The following TMEM132E variants were observed in gnomAD, a reference collection of about 807,000 sequenced individuals.
TMEM132E encodes the protein transmembrane protein 132E.
In TMEM132E, 49 loss-of-function variants were observed where a neutral mutation model predicts 78.5. That is an observed-to-expected ratio of 0.62 (90% CI 0.50 to 0.79). The LOEUF (loss-of-function observed/expected upper bound fraction) is 0.79, where lower values mean the gene tolerates loss of function less well. Ranked by LOEUF, TMEM132E falls within the 30% of genes least tolerant of loss-of-function variation. The pLI is 0.00. For missense variants in TMEM132E, 1,403 were observed against 1,470.9 expected (o/e 0.95, Z 0.75); for synonymous variants, 715 against 670.6 (o/e 1.07, Z -1.02).
At chr17:34,635,337 G>A (rs1907486628) in intron 7 of TMEM132E, among the ~76,000 whole-genome samples, 1 of 152,170 alleles carries the variant, frequency 6.6e-6, no homozygotes, top group South Asian at 2.1e-4. Context: ...AGAGCAGAGG[G>A]GGAGCAGGTG....
chr17:34,600,426 A>AGTGTGTGTGTGTGTGTGTGT (rs3220449), intron 1 of TMEM132E, among the ~76,000 whole-genome samples: 2 of 143,968 alleles, frequency 1.4e-5, no homozygotes, highest in Non-Finnish European at 3.0e-5. Flanking sequence ...AGCGTATATG[A>AGTGTGTGTGTGTGTGTGTGT]GTGTGTGTGT....
intron 1 of TMEM132E, among the ~76,000 whole-genome samples, chr17:34,606,639 C>T (rs551659238): frequency 6.6e-6 from 1 of 152,340 alleles, no homozygotes; most frequent in South Asian, 2.1e-4. Context: ...GTTTAGGGAG[C>T]TATGAGCCCA....
At chr17:34,629,983 A>G in intron 4 of TMEM132E, 25 bp from the exon 5 acceptor site, 1 of 1,583,496 alleles carries the variant, frequency 6.3e-7, no homozygotes. Flanking sequence ...CCACAAGTAG[A>G]GCCCCCCCCT....
chr17:34,582,163 C>T (rs985620708), intron 1 of TMEM132E, among the ~76,000 whole-genome samples: 7 of 112,154 alleles, frequency 6.2e-5, no homozygotes, highest in African/African-American at 2.4e-4. Flanking sequence ...GGTTGGGGGG[C>T]GGGGGTGTTT....
rs540321267 is a variant in TMEM132E at position 34,607,095 on chromosome 17, G to A, written c.68-19032G>A. Reference sequence around the variant, plus strand: ...CTTCCTGGGACAGGGAGCTCAGTACGCTACAAGGCAGCTCCTTTCATTACA... The same window carrying A: ...CTTCCTGGGACAGGGAGCTCAGTACACTACAAGGCAGCTCCTTTCATTACA... On this transcript the variant is annotated intron_variant, in intron 1 of 8. Coordinates refer to ENST00000631683, the MANE Select transcript of TMEM132E (RefSeq NM_001304438.2). Among the ~76,000 whole-genome samples the A allele has an allele frequency of 3.9e-5, 6 of 152,330 alleles. No homozygotes were observed. In the East Asian group the frequency reaches 9.7e-4, roughly 25 times the overall value.
intron 1 of TMEM132E, among the ~76,000 whole-genome samples, chr17:34,583,215 G>A (rs1372517161): frequency 1.3e-5 from 2 of 152,248 alleles, no homozygotes; most frequent in African/African-American, 4.8e-5. Flanking sequence ...AGAGGGCTTG[G>A]CTGCCTGAGC....
At chr17:34,604,646 T>G (rs563625589) in intron 1 of TMEM132E, among the ~76,000 whole-genome samples, 9 of 152,178 alleles carry the variant, frequency 5.9e-5, no homozygotes, top group Non-Finnish European at 1.2e-4. Context: ...TAGTTCTCTG[T>G]GGGTCTGTCC....
rs1435986731 is a variant in TMEM132E at position 34,587,842 on chromosome 17, G to C, written c.67+6699G>C. On this transcript the variant is annotated intron_variant, in intron 1 of 8. Transcript: ENST00000631683. ...TTTGTCACATTGGCTGCTATGTGAA[G>C]GCAGCACTGTGATCCCCTTTTTATG... 3.3e-5 allele frequency among the ~76,000 whole-genome samples: 5 copies of C among 152,334 alleles called. No individual in the cohort carries two copies. The East Asian group carries it at 9.6e-4, about 29-fold the overall frequency.
chr17:34,612,106 C>T (rs1906610068), intron 1 of TMEM132E, among the ~76,000 whole-genome samples: 1 of 152,134 alleles, frequency 6.6e-6, no homozygotes, highest in East Asian at 1.9e-4. Flanking sequence ...CCAGAGTTTG[C>T]CCTACTCTCA....
Position 34,634,822 on chromosome 17 carries a change from A to T in TMEM132E, c.1712A>T (p.Glu571Val), listed in dbSNP as rs1195056076. 8 of 1,613,910 alleles carry T rather than the reference A, an allele frequency of 5.0e-6. No individual in the cohort carries two copies. Among genetic ancestry groups the T allele is most frequent in the Non-Finnish European group, 6.8e-6 (8 of 1,179,910 alleles). The change falls in exon 7 of 9, where the codon GAG becomes GTG. Residue 571 changes from glutamate (E) to valine (V), a missense_variant. Coordinates refer to ENST00000631683, the MANE Select transcript of TMEM132E (RefSeq NM_001304438.2). ...DRRSVRESEDEDEEEEERRQS... is the reference protein window; with the variant it reads ...DRRSVRESEDVDEEEEERRQS... ...AGGTCAGTCCGGGAAAGCGAGGATG[A>T]GGATGAGGAGGAGGAGGAGCGGCGG... is the stretch of plus-strand genomic sequence containing the variant.
At chr17:34,581,904 G>A (rs1172543341) in intron 1 of TMEM132E, among the ~76,000 whole-genome samples, 1 of 152,052 alleles carries the variant, frequency 6.6e-6, no homozygotes, top group Non-Finnish European at 1.5e-5. Context: ...TTGGCGGTGG[G>A]ACAGCGGGCA....
intron 1 of TMEM132E, among the ~76,000 whole-genome samples, chr17:34,584,026 G>A (rs1208905829): frequency 6.6e-6 from 1 of 152,210 alleles, no homozygotes; most frequent in Non-Finnish European, 1.5e-5. Context: ...TTGAATAGGA[G>A]TTTAGGGGTC....
intron 1 of TMEM132E, among the ~76,000 whole-genome samples, chr17:34,590,362 C>A (rs570512530): frequency 1.5e-4 from 23 of 152,250 alleles, no homozygotes; most frequent in Non-Finnish European, 2.8e-4. Context: ...CTAAAACCAA[C>A]CTGTCTGCTG....
In TMEM132E at chr17:34,626,571, G is replaced by A; in HGVS notation, c.512G>A (p.Arg171Gln). ...RLPCVRLHAF[R>Q]DAREVKSSCR... ...CCCTGTGTCCGCCTGCATGCCTTCC[G>A]GGATGCCCGGGAAGTCAAGAGCTCC... The change falls in exon 2 of 9, where the codon CGG becomes CAG. Residue 171 changes from arginine (R) to glutamine (Q), a missense_variant. Transcript: ENST00000631683. The A allele has an allele frequency of 2.5e-6, 4 of 1,571,860 alleles. No individual in the cohort carries two copies. Among genetic ancestry groups the A allele is most frequent in the Non-Finnish European group, 1.7e-6 (2 of 1,163,942 alleles).
rs1217410906 is a variant in TMEM132E, at chr17:34,634,955, G to A, written c.1845G>A (p.Met615Ile). The change falls in exon 7 of 9, where the codon ATG becomes ATA. Residue 615 changes from methionine to isoleucine, a missense_variant. Transcript: ENST00000631683. ...AGGGCACTGACCAGGTGGTCACCAT[G>A]TTAGGCCCGGACTGGCTGGTGGAGG... ...SSEGTDQVVT[M>I]LGPDWLVEVT... 6.2e-7 allele frequency: 1 copy of A among 1,614,078 alleles called. No individual in the cohort carries two copies. Among genetic ancestry groups the A allele is most frequent in the Non-Finnish European group, 8.5e-7 (1 of 1,180,046 alleles).
intron 1 of TMEM132E, among the ~76,000 whole-genome samples, chr17:34,595,704 G>T (rs1286789120): frequency 6.6e-6 from 1 of 152,214 alleles, no homozygotes; most frequent in Non-Finnish European, 1.5e-5. Flanking sequence ...AGACCCGTGT[G>T]CCTGACTCCC....
At chr17:34,588,128 T>C (rs1306475254) in intron 1 of TMEM132E, among the ~76,000 whole-genome samples, 2 of 152,148 alleles carry the variant, frequency 1.3e-5, no homozygotes, top group African/African-American at 4.8e-5. Context: ...TAAGTCATGC[T>C]CTTTTGCATG....
At chr17:34,615,106 C>T (rs1335993350) in intron 1 of TMEM132E, among the ~76,000 whole-genome samples, 7 of 150,096 alleles carry the variant, frequency 4.7e-5, no homozygotes, top group Non-Finnish European at 7.4e-5. Context: ...CTCATACCAC[C>T]TTGCTGTATG....
intron 1 of TMEM132E, among the ~76,000 whole-genome samples, chr17:34,615,937 A>G (rs1906767465): frequency 6.6e-6 from 1 of 152,144 alleles, no homozygotes; most frequent in Admixed American, 6.5e-5. Context: ...TAACATAGGC[A>G]TTTTGTTAGC....
Sources: gnomAD v4.1 joint callset for allele counts (sites outside exome capture counted in the v4.1 genomes callset) on GRCh38, gnomAD v4.1.1 for gene constraint, MANE v1.5 for transcripts, NCBI Gene and HGNC (gene_info 2026-07-23, HGNC 2026-07-21) for gene names.